Variants in PALB2 observed in about 807,000 individuals in gnomAD.
PALB2 encodes partner and localizer of BRCA2.
A neutral mutation model predicts 107.4 loss-of-function variants in PALB2; 82 were observed. The observed-to-expected ratio is 0.76, with a 90% CI of 0.64 to 0.92. PALB2 has a LOEUF of 0.92. Ranked by LOEUF, PALB2 falls within the 40% of genes least tolerant of loss-of-function variation. The pLI is 0.00. For synonymous variants in PALB2, 489 were observed against 496.8 expected, an observed-to-expected ratio of 0.98 and a Z score of 0.21; for missense variants, 1,374 against 1,379.9, an observed-to-expected ratio of 1.00 and a Z score of 0.07.
At chr16:23,627,986 G>A (rs1024428456) in intron 6 of PALB2, among the ~76,000 whole-genome samples, 6 of 152,256 alleles carry the variant, frequency 3.9e-5, no homozygotes, top group Admixed American at 3.3e-4. Flanking sequence ...CACTTTGGGA[G>A]GCCAAGGCAG....
chr16:23,636,069 C>T lies in PALB2; in HGVS notation c.477G>A (p.Glu159=), dbSNP rs1163253431. 6.2e-7 allele frequency: 1 copy of T among 1,614,038 alleles called. No homozygotes were observed. The highest frequency in any genetic ancestry group is 2.2e-5 in the East Asian group (1 of 44,878). Residue 159 remains glutamate (E), a synonymous_variant, in exon 4 of 13, where the codon GAG becomes GAA. Coordinates refer to ENST00000261584, the MANE Select transcript of PALB2 (RefSeq NM_024675.4). ...AATCAGTGCCAAAGACACAGTCTCTCTCCTGTGAAATAAATGTCCTCTTCT... is the reference window on the plus strand; with the variant it reads ...AATCAGTGCCAAAGACACAGTCTCTTTCCTGTGAAATAAATGTCCTCTTCT... The part of the protein sequence containing the change: ...KQQKRTFISQ[E]RDCVFGTDSL...
Position 23,630,188 on chromosome 16 carries a change from G to GA in PALB2, c.1965dup (p.Pro656SerfsTer7), listed in dbSNP as rs1597090596. 3 of 1,614,060 alleles carry GA rather than the reference G, an allele frequency of 1.9e-6. No homozygotes were observed. Among genetic ancestry groups the GA allele is most frequent in the Non-Finnish European group, 2.5e-6 (3 of 1,180,016 alleles). On this transcript the variant is annotated frameshift_variant, in exon 5 of 13. Coordinates refer to ENST00000261584, the MANE Select transcript of PALB2 (RefSeq NM_024675.4). LOFTEE classifies it high-confidence loss of function. ...ATGCGTTTAGGACTCAGTTCCTCTG[G>GA]AAAAATACAGCTTCCCTCTTTAAGA... is the stretch of plus-strand genomic sequence containing the variant.
intron 12 of PALB2, chr16:23,606,085 T>C (rs1597064710): frequency 6.6e-6 from 1 of 152,222 alleles, no homozygotes; most frequent in African/African-American, 2.4e-5. Flanking sequence ...CCTGAACAGA[T>C]GAGTTTGAAA....
chr16:23,621,941 A>T (rs1365816121), intron 9 of PALB2, among the ~76,000 whole-genome samples: 1 of 152,154 alleles, frequency 6.6e-6, no homozygotes, highest in Non-Finnish European at 1.5e-5. Flanking sequence ...ACCAAGTCCC[A>T]GTAATTTTAT....
chr16:23,631,109 CA>C (rs58841030), intron 4 of PALB2, among the ~76,000 whole-genome samples: 12,489 of 58,504 alleles, frequency 0.21, 666 homozygotes, highest in Middle Eastern at 0.32. Flanking sequence ...ACTAAAAATA[CA>C]AAAAAAAAAA....
chr16:23,635,485 G>C lies in PALB2; in HGVS notation c.1061C>G (p.Ser354Cys), dbSNP rs1555461474. 4.3e-6 allele frequency: 7 copies of C among 1,614,092 alleles called. No homozygotes were observed. The highest frequency in any genetic ancestry group is 5.9e-6 in the Non-Finnish European group (7 of 1,179,980). The change falls in exon 4 of 13, where the codon TCT (serine) becomes TGT (cysteine). Residue 354 changes from serine to cysteine, a missense_variant. Ser to Cys is a moderately radical substitution (Grantham distance 112). Transcript: ENST00000261584. Reference sequence around the variant, plus strand: ...AAGAGTGTCACTGGGAGATTTTAAAGATTTCTCTGTTTGATTTTGTTCTTT... The same window carrying C: ...AAGAGTGTCACTGGGAGATTTTAAACATTTCTCTGTTTGATTTTGTTCTTT... ...NLKEQNQTEK[S>C]LKSPSDTLDG...
intron 11 of PALB2, among the ~76,000 whole-genome samples, chr16:23,612,675 T>C (rs144273385): frequency 1.3e-5 from 2 of 152,168 alleles, no homozygotes; most frequent in Non-Finnish European, 2.9e-5. Context: ...TACAGCTGCA[T>C]GCCACCATGC....
At chr16:23,630,629 T>C (rs377749250) in intron 4 of PALB2, among the ~76,000 whole-genome samples, 160 bp from the exon 5 acceptor site, 3 of 152,320 alleles carry the variant, frequency 2.0e-5, no homozygotes, top group African/African-American at 7.2e-5. Context: ...AATGAAGTCC[T>C]ATCAAAGAAA....
chr16:23,612,180 T>C (rs1966598878), intron 11 of PALB2, among the ~76,000 whole-genome samples: 1 of 152,182 alleles, frequency 6.6e-6, no homozygotes, highest in Non-Finnish European at 1.5e-5. Context: ...CCTAGACAAC[T>C]ACTTTCCCAC....
rs758409916 is a variant in PALB2, at chr16:23,630,282, A to G, written c.1872T>C (p.Leu624=). Residue 624 remains leucine, a synonymous_variant, in exon 5 of 13, where the codon CTT becomes CTC. Coordinates refer to ENST00000261584, the MANE Select transcript of PALB2 (RefSeq NM_024675.4). ...LPDEDFGPLK[L]EKVKSCSEKP... Reference sequence around the variant, plus strand: ...TTTCTGAGCAGGACTTCACTTTTTCAAGCTTAAGAGGTCCAAAGTCTTCAT... The same window carrying G: ...TTTCTGAGCAGGACTTCACTTTTTCGAGCTTAAGAGGTCCAAAGTCTTCAT... The G allele has an allele frequency of 6.2e-7, 1 of 1,614,190 alleles. No homozygotes were observed. Among genetic ancestry groups the G allele is most frequent in the Non-Finnish European group, 8.5e-7 (1 of 1,180,032 alleles).
rs875989798 is a variant in PALB2 at position 23,629,670 on chromosome 16, G to A, written c.2484C>T (p.Cys828=). Residue 828 remains cysteine (C), a synonymous_variant, in exon 5 of 13, where the codon TGC becomes TGT. Coordinates refer to ENST00000261584, the MANE Select transcript of PALB2 (RefSeq NM_024675.4). ...FKENQLCRNT[C]QELHKHSVEQ... ...CGACGGAATGTTTATGCAGCTCCTG[G>A]CATGTGTTTCTACAGAGCTGATTTT... 8.7e-6 allele frequency: 14 copies of A among 1,614,058 alleles called. No individual in the cohort carries two copies. Among genetic ancestry groups the A allele is most frequent in the Non-Finnish European group, 1.1e-5 (13 of 1,180,020 alleles).
At position 23,606,821 on chromosome 16, in the gene PALB2, C is replaced by CTTTTTTTTTTT. The variant is rs545664784; in HGVS notation, c.3350+1032_3350+1042dup. 1.3e-4 allele frequency among the ~76,000 whole-genome samples: 14 copies of CTTTTTTTTTTT among 108,590 alleles called. 1 individual carries two copies. The highest frequency in any genetic ancestry group is 2.0e-4 in the Admixed American group (2 of 9,838). 71.2% of individuals were successfully genotyped at this position (108,590 alleles called of 152,430 possible). Reference sequence around the variant, plus strand: ...TACAGGCGTGAGCCACTGCACCCTGCTTTTTTTTTTTTTTTTTTGAGACGG... The same window carrying CTTTTTTTTTTT: ...TACAGGCGTGAGCCACTGCACCCTGCTTTTTTTTTTTTTTTTTTTTTTTTTTTTTGAGACGG... On this transcript the variant is annotated intron_variant, in intron 12 of 12. Transcript: ENST00000261584.
At chr16:23,637,732 T>C in intron 3 of PALB2, 118 bp downstream of exon 3, 1 of 750,090 alleles carries the variant, frequency 1.3e-6, no homozygotes, top group Non-Finnish European at 2.2e-6. Context: ...AAATTAAAAT[T>C]AAAATTAAAG....
chr16:23,630,226 A>G lies in PALB2; in HGVS notation c.1928T>C (p.Phe643Ser), dbSNP rs1567218485. The G allele has an allele frequency of 1.2e-6, 2 of 1,614,192 alleles. No individual in the cohort carries two copies. Among genetic ancestry groups the G allele is most frequent in the East Asian group, 2.2e-5 (1 of 44,886 alleles). The change falls in exon 5 of 13, where the codon TTT (phenylalanine) becomes TCT (serine). Residue 643 changes from phenylalanine (F) to serine (S), a missense_variant. Transcript: ENST00000261584. ...TCCCTCTTTAAGATGTCTCTCTCCA[A>G]ACATTTTTGACTCAAAGGGCTCCAC... ...KPVEPFESKM[F>S]GERHLKEGSC...
chr16:23,627,336 A>G (rs1966845791), intron 6 of PALB2, among the ~76,000 whole-genome samples: 2 of 151,254 alleles, frequency 1.3e-5, no homozygotes, highest in Admixed American at 6.6e-5. Context: ...AAATACAAAA[A>G]ATTAGCTGGG....
chr16:23,607,978 G>A lies in PALB2; in HGVS notation c.3236C>T (p.Ala1079Val), dbSNP rs769342316. 8 of 1,613,886 alleles carry A rather than the reference G, an allele frequency of 5.0e-6. No homozygotes were observed. The highest frequency in any genetic ancestry group is 4.5e-5 in the East Asian group (2 of 44,890). Residue 1079 changes from alanine (A) to valine (V), a missense_variant, in exon 12 of 13, where the codon GCC becomes GTC. Coordinates refer to ENST00000261584, the MANE Select transcript of PALB2 (RefSeq NM_024675.4). ...LLFIVLSHPCAKESESLRSPV... is the reference protein window; with the variant it reads ...LLFIVLSHPCVKESESLRSPV... Reference sequence around the variant, plus strand: ...GCTTCGCAACGACTCACTCTCTTTGGCACAGGGATGACTCAGGACAATAAA... The same window carrying A: ...GCTTCGCAACGACTCACTCTCTTTGACACAGGGATGACTCAGGACAATAAA...
intron 4 of PALB2, among the ~76,000 whole-genome samples, chr16:23,631,504 A>G (rs377710138): frequency 6.6e-6 from 1 of 151,852 alleles, no homozygotes; most frequent in South Asian, 2.1e-4. Flanking sequence ...AAACCAAACA[A>G]AACAGTGTAT....
At chr16:23,622,783 C>G (rs1597080859) in intron 9 of PALB2, among the ~76,000 whole-genome samples, 186 bp downstream of exon 9, 1 of 152,072 alleles carries the variant, frequency 6.6e-6, no homozygotes, top group Admixed American at 6.6e-5. Context: ...TTGACTTCAT[C>G]CCTGACATGT....
intron 11 of PALB2, among the ~76,000 whole-genome samples, chr16:23,612,232 ATTTAT>A (rs1966599959): frequency 1.3e-5 from 2 of 151,878 alleles, no homozygotes; most frequent in South Asian, 2.1e-4. Context: ...TTATTTATTT[ATTTAT>A]TTTGAGACAG....
Sources: allele counts gnomAD v4.1 joint callset (sites outside exome capture counted in the v4.1 genomes callset), GRCh38; gene constraint gnomAD v4.1.1; transcripts MANE v1.5; gene names NCBI Gene and HGNC (gene_info 2026-07-23, HGNC 2026-07-21).